The following CDK5RAP2 variants were observed in gnomAD, a reference collection of about 807,000 sequenced individuals.
CDK5RAP2 encodes CDK5 regulatory subunit-associated protein 2.
A neutral mutation model predicts 232.9 loss-of-function variants in CDK5RAP2; 147 were observed. The observed-to-expected ratio is 0.63, with a 90% CI of 0.55 to 0.72. The LOEUF (loss-of-function observed/expected upper bound fraction) is 0.72, where lower values mean the gene tolerates loss of function less well. Ranked by LOEUF, CDK5RAP2 falls within the 30% of genes least tolerant of loss-of-function variation. The probability of loss-of-function intolerance (pLI) is 0.00; values close to 1 mark genes in which losing one functional copy is unlikely to be tolerated. For missense variants in CDK5RAP2, 2,195 were observed against 2,231.5 expected (o/e 0.98, Z 0.33); for synonymous variants, 833 against 833.7 (o/e 1.00, Z 0.01).
chr9:120,575,277 T>C (rs996298131), intron 1 of CDK5RAP2, among the ~76,000 whole-genome samples: 1 of 152,132 alleles, frequency 6.6e-6, no homozygotes, highest in Admixed American at 6.5e-5. Context: ...GGTCTTGAAC[T>C]CCTGAGCTCA....
At chr9:120,544,211 T>C (rs567331146) in intron 5 of CDK5RAP2, among the ~76,000 whole-genome samples, 2 of 152,302 alleles carry the variant, frequency 1.3e-5, no homozygotes, top group South Asian at 4.1e-4. Context: ...ATGCAAGCCT[T>C]TGTGAGCTGA....
chr9:120,539,365 A>G (rs1034561098), intron 5 of CDK5RAP2, among the ~76,000 whole-genome samples: 4 of 152,264 alleles, frequency 2.6e-5, no homozygotes, highest in African/African-American at 9.6e-5. Context: ...GTCACTCAGG[A>G]TAACTAAGTC....
rs1405797816 is a variant in CDK5RAP2 at position 120,550,326 on chromosome 9, CTG to C, written c.306+464_306+465del. Among the ~76,000 whole-genome samples the C allele has an allele frequency of 2.6e-5, 4 of 152,310 alleles. No individual in the cohort carries two copies. The East Asian group carries it at 7.7e-4, about 29-fold the overall frequency. On this transcript the variant is annotated intron_variant, in intron 4 of 37. Coordinates refer to ENST00000349780, the MANE Select transcript of CDK5RAP2 (RefSeq NM_018249.6). Reference sequence around the variant, plus strand: ...GAAGACGGTAATTGTCAAGCACTGACTGTGTGCTGGAGCTTTTCATCTGTCTT... The same window carrying C: ...GAAGACGGTAATTGTCAAGCACTGACTGTGCTGGAGCTTTTCATCTGTCTT...
chr9:120,553,901 A>G (rs2042133226), intron 3 of CDK5RAP2, among the ~76,000 whole-genome samples: 1 of 152,212 alleles, frequency 6.6e-6, no homozygotes, highest in Non-Finnish European at 1.5e-5. Flanking sequence ...TGCTGGGATT[A>G]TAGGTGCAAG....
chr9:120,389,624 TGAG>T, intron 37 of CDK5RAP2, 114 bp downstream of exon 37: 1 of 976,030 alleles, frequency 1.0e-6, no homozygotes, highest in South Asian at 1.4e-5. Context: ...AACAACTCTC[TGAG>T]GAGGACATGT....
At chr9:120,454,378 T>C (rs58399753) in intron 20 of CDK5RAP2, among the ~76,000 whole-genome samples, 4,773 of 152,310 alleles carry the variant, frequency 0.031, 90 homozygotes, top group African/African-American at 0.041. Context: ...GAGGTGTTAA[T>C]GAAGGGATAT....
intron 9 of CDK5RAP2, among the ~76,000 whole-genome samples, 173 bp from the exon 10 acceptor site, chr9:120,528,098 G>A (rs1420968163): frequency 6.6e-6 from 1 of 152,192 alleles, no homozygotes; most frequent in Non-Finnish European, 1.5e-5. Context: ...AAGTTACTGT[G>A]TTACCGCTCC....
chr9:120,524,727 T>C (rs2040823946), intron 11 of CDK5RAP2, among the ~76,000 whole-genome samples: 1 of 152,122 alleles, frequency 6.6e-6, no homozygotes, highest in Non-Finnish European at 1.5e-5. Flanking sequence ...TCCACATATC[T>C]TGCATTATTA....
intron 24 of CDK5RAP2, among the ~76,000 whole-genome samples, chr9:120,438,851 T>C (rs2035733534): frequency 6.6e-6 from 1 of 152,192 alleles, no homozygotes; most frequent in Non-Finnish European, 1.5e-5. Context: ...TTTTGCCATA[T>C]CTCATGAAGC....
At chr9:120,421,171 CTCT>C (rs1188499551) in intron 26 of CDK5RAP2, among the ~76,000 whole-genome samples, 1 of 152,188 alleles carries the variant, frequency 6.6e-6, no homozygotes, top group African/African-American at 2.4e-5. Context: ...AGCTTTGACC[CTCT>C]ATGTGCCAGC....
intron 3 of CDK5RAP2, among the ~76,000 whole-genome samples, chr9:120,562,881 G>C (rs1413378122): frequency 1.3e-5 from 2 of 152,036 alleles, no homozygotes; most frequent in Non-Finnish European, 2.9e-5. Flanking sequence ...TACAGATAAA[G>C]CAACCAAAAT....
At chr9:120,550,689 T>A (rs992580343) in intron 4 of CDK5RAP2, 103 bp downstream of exon 4, 3 of 786,804 alleles carry the variant, frequency 3.8e-6, no homozygotes, top group Non-Finnish European at 7.0e-6. Flanking sequence ...AATGAAAGCA[T>A]CTCTATTCAT....
Position 120,407,079 on chromosome 9 carries a change from T to C in CDK5RAP2, c.4896A>G (p.Glu1632=). Residue 1632 remains glutamate (E), a synonymous_variant, in exon 32 of 38, where the codon GAA becomes GAG. Transcript: ENST00000349780. ...QLARGAEKAQ[E]GALTLAVQAV... ...CTTGGACAGCCAGAGTGAGGGCTCC[T>C]TCCTGTGCCTTCTCTGCCCCCCTTG... is the stretch of plus-strand genomic sequence containing the variant. The C allele has an allele frequency of 1.2e-6, 2 of 1,614,126 alleles. No individual in the cohort carries two copies. The highest frequency in any genetic ancestry group is 2.2e-5 in the East Asian group (1 of 44,878).
At chr9:120,394,419 T>C (rs951127344) in intron 36 of CDK5RAP2, 93 bp downstream of exon 36, 1 of 1,600,192 alleles carries the variant, frequency 6.2e-7, no homozygotes, top group African/African-American at 1.3e-5. Context: ...TTACAAACCA[T>C]CTGGGCTCCA....
At chr9:120,566,945 T>C (rs2042669552) in intron 3 of CDK5RAP2, among the ~76,000 whole-genome samples, 1 of 152,226 alleles carries the variant, frequency 6.6e-6, no homozygotes, top group Non-Finnish European at 1.5e-5. Flanking sequence ...TTTTCCAATT[T>C]AGAAATAAAA....
At chr9:120,490,961 AG>A (rs1015174919) in intron 13 of CDK5RAP2, among the ~76,000 whole-genome samples, 7 of 152,244 alleles carry the variant, frequency 4.6e-5, no homozygotes, top group Non-Finnish European at 8.8e-5. Context: ...GAAAAAGTAC[AG>A]GGGAATGAAA....
rs917731233 is a variant in CDK5RAP2 at position 120,487,264 on chromosome 9, A to G, written c.1626+30T>C. 5.0e-6 allele frequency: 8 copies of G among 1,613,146 alleles called. 1 individual carries two copies. The highest frequency in any genetic ancestry group is 1.7e-4 in the Middle Eastern group (1 of 6,060). ...CAAAAAAGTGTATGAATCCATTCGC[A>G]TGTGAATGTCCAATTTCAGTCAAGC... On this transcript the variant is annotated intron_variant, in intron 14 of 37. Coordinates refer to ENST00000349780, the MANE Select transcript of CDK5RAP2 (RefSeq NM_018249.6).
Position 120,530,522 on chromosome 9 carries a change from C to T in CDK5RAP2, c.663-382G>A, listed in dbSNP as rs188428247. Among the ~76,000 whole-genome samples, 286 of 152,222 alleles carry T rather than the reference C, an allele frequency of 1.9e-3. 2 individuals are homozygous for T. Among genetic ancestry groups the T allele is most frequent in the African/African-American group, 6.5e-3 (271 of 41,554 alleles). On this transcript the variant is annotated intron_variant, in intron 7 of 37. Transcript: ENST00000349780. The stretch of plus-strand genomic sequence containing the variant: ...CAAAACCAATGAAGCAGAGCTGTTC[C>T]GATAAGTGTGGAAAAAACGGAATGT...
At chr9:120,509,833 G>A (rs1413363856) in intron 12 of CDK5RAP2, among the ~76,000 whole-genome samples, 2 of 152,160 alleles carry the variant, frequency 1.3e-5, no homozygotes, top group Non-Finnish European at 2.9e-5. Flanking sequence ...AAGTAATGGA[G>A]CCAGGACTCC....
Sources: gnomAD v4.1 joint callset for allele counts (sites outside exome capture counted in the v4.1 genomes callset) on GRCh38, gnomAD v4.1.1 for gene constraint, MANE v1.5 for transcripts, NCBI Gene and HGNC (gene_info 2026-07-23, HGNC 2026-07-21) for gene names.